Variants in GRM3 observed in about 807,000 individuals in gnomAD.
GRM3 encodes metabotropic glutamate receptor 3.
A neutral mutation model predicts 70.5 loss-of-function variants in GRM3; 26 were observed. The ratio of observed to expected loss-of-function variants is 0.37; its 90% CI spans 0.27 to 0.51. GRM3 has a LOEUF of 0.51. GRM3 is among the 20% of genes least tolerant of loss of function. The pLI, the probability that GRM3 is intolerant of heterozygous loss-of-function variation, is 0.93. For synonymous variants in GRM3, 443 were observed against 434.9 expected (o/e 1.02, Z -0.23); for missense variants, 859 against 1,123.8 (o/e 0.76, Z 3.37).
chr7:86,774,681 TGTCA>T (rs10590029), intron 2 of GRM3, among the ~76,000 whole-genome samples: 38,447 of 151,884 alleles, frequency 0.25, 4,882 homozygotes, highest in Middle Eastern at 0.31. Flanking sequence ...AGGGTTGAAT[TGTCA>T]GTGTGTTTAC....
intron 1 of GRM3, among the ~76,000 whole-genome samples, chr7:86,656,808 G>C (rs1338955804): frequency 6.6e-6 from 1 of 151,696 alleles, no homozygotes; most frequent in Non-Finnish European, 1.5e-5. Flanking sequence ...TTTCTATAGG[G>C]GGCTACCTGT....
intron 1 of GRM3, among the ~76,000 whole-genome samples, chr7:86,690,709 C>T (rs1471440447): frequency 1.3e-5 from 2 of 151,978 alleles, no homozygotes; most frequent in Non-Finnish European, 2.9e-5. Context: ...GAGAGGACAG[C>T]TTTGCCGAGT....
intron 4 of GRM3, among the ~76,000 whole-genome samples, chr7:86,847,288 T>C (rs1474222872): frequency 6.6e-6 from 1 of 152,082 alleles, no homozygotes; most frequent in Admixed American, 6.6e-5. Context: ...CCAACAGAAT[T>C]TGCTGTTGGA....
intron 3 of GRM3, among the ~76,000 whole-genome samples, chr7:86,805,894 C>T (rs1187355142): frequency 7.0e-6 from 1 of 142,052 alleles, no homozygotes; most frequent in Non-Finnish European, 1.5e-5. Flanking sequence ...GCTATCCCTC[C>T]CCCCTCCCCG....
At chr7:86,698,764 A>G (rs567727131) in intron 1 of GRM3, among the ~76,000 whole-genome samples, 53 of 152,144 alleles carry the variant, frequency 3.5e-4, no homozygotes, top group Admixed American at 1.9e-3. Context: ...AAAAGCCCTT[A>G]AGAACACTTT....
intron 3 of GRM3, among the ~76,000 whole-genome samples, chr7:86,800,620 C>T (rs148907843): frequency 6.5e-4 from 99 of 152,248 alleles, no homozygotes; most frequent in South Asian, 3.9e-3. Flanking sequence ...AGACCAATAA[C>T]AAGTTCTAAA....
chr7:86,684,477 CTA>C (rs1184070105), intron 1 of GRM3, among the ~76,000 whole-genome samples: 2 of 152,158 alleles, frequency 1.3e-5, no homozygotes, highest in African/African-American at 4.8e-5. Flanking sequence ...GGCAACAAGT[CTA>C]TGTTTCTAAC....
chr7:86,811,425 T>G (rs917306590), intron 3 of GRM3, among the ~76,000 whole-genome samples: 1 of 151,816 alleles, frequency 6.6e-6, no homozygotes, highest in Non-Finnish European at 1.5e-5. Context: ...AGGTGTATGA[T>G]TTTCCTTTCC....
intron 1 of GRM3, 71 bp downstream of exon 1, chr7:86,644,943 G>A: frequency 1.2e-6 from 1 of 804,212 alleles, no homozygotes; most frequent in Non-Finnish European, 1.8e-6. Flanking sequence ...CGGGTGCCGC[G>A]TGGGGCAGGC....
At chr7:86,847,103 A>G (rs1798669360) in intron 4 of GRM3, among the ~76,000 whole-genome samples, 1 of 152,174 alleles carries the variant, frequency 6.6e-6, no homozygotes, top group East Asian at 1.9e-4. Context: ...CTCTGAGACT[A>G]GGGAACCTGA....
intron 1 of GRM3, among the ~76,000 whole-genome samples, chr7:86,757,812 TA>T: frequency 6.6e-6 from 1 of 152,296 alleles, no homozygotes; most frequent in African/African-American, 2.4e-5. Flanking sequence ...GTTTGCTTCA[TA>T]TTTTTTCTAC....
At chr7:86,732,257 A>G in intron 1 of GRM3, among the ~76,000 whole-genome samples, 1 of 152,194 alleles carries the variant, frequency 6.6e-6, no homozygotes, top group Admixed American at 6.5e-5. Context: ...AGAAAAAAAC[A>G]AATAAATTTT....
At chr7:86,845,692 A>G (rs956001065) in intron 4 of GRM3, among the ~76,000 whole-genome samples, 1 of 152,170 alleles carries the variant, frequency 6.6e-6, no homozygotes, top group Non-Finnish European at 1.5e-5. Flanking sequence ...AGGGGAGTAG[A>G]GCAGCACAGT....
At chr7:86,688,195 T>G (rs1489704075) in intron 1 of GRM3, among the ~76,000 whole-genome samples, 4 of 151,570 alleles carry the variant, frequency 2.6e-5, no homozygotes, top group Non-Finnish European at 4.4e-5. Context: ...AAATTGTACC[T>G]AAAAACACAG....
rs1793390195 is a variant in GRM3 at position 86,643,923 on chromosome 7, A to C, written c.-1090A>C. 1 of 152,386 alleles carries C rather than the reference A, an allele frequency of 6.6e-6. No homozygotes were observed. The highest frequency in any genetic ancestry group is 2.4e-5 in the African/African-American group (1 of 41,422). The allele number at this position is 152,386 out of a possible 1,614,324, so 9.4% of individuals were successfully genotyped here. ...TCCAGGGGCTCGCAGTGTGCAGTTG[A>C]GTCGCGAGTACGGCTGAGCTGCGTA... On this transcript the variant is annotated 5_prime_UTR_variant, in exon 1 of 6. Coordinates refer to ENST00000361669, the MANE Select transcript of GRM3 (RefSeq NM_000840.3).
At chr7:86,669,396 C>T (rs906994928) in intron 1 of GRM3, among the ~76,000 whole-genome samples, 3 of 152,156 alleles carry the variant, frequency 2.0e-5, no homozygotes, top group East Asian at 1.9e-4. Flanking sequence ...CTATCAAGAG[C>T]GCCTCTGCTC....
intron 1 of GRM3, among the ~76,000 whole-genome samples, chr7:86,650,037 G>A (rs1229843917): frequency 6.6e-6 from 1 of 152,184 alleles, no homozygotes; most frequent in Non-Finnish European, 1.5e-5. Context: ...TTAAATGTGT[G>A]TATATATTCT....
intron 1 of GRM3, among the ~76,000 whole-genome samples, chr7:86,725,442 G>A (rs1194751085): frequency 6.6e-6 from 1 of 152,130 alleles, no homozygotes; most frequent in Non-Finnish European, 1.5e-5. Context: ...TCAAGCAGGA[G>A]TATGACAATG....
At chr7:86,687,939 A>T (rs1794603921) in intron 1 of GRM3, among the ~76,000 whole-genome samples, 1 of 151,808 alleles carries the variant, frequency 6.6e-6, no homozygotes, top group Admixed American at 6.6e-5. Flanking sequence ...GTCATAATGT[A>T]ATGAATAAAT....
Sources: gnomAD v4.1 joint callset for allele counts (sites outside exome capture counted in the v4.1 genomes callset) on GRCh38, gnomAD v4.1.1 for gene constraint, MANE v1.5 for transcripts, NCBI Gene and HGNC (gene_info 2026-07-23, HGNC 2026-07-21) for gene names.